The following CCDC39 variants were observed in gnomAD, a reference collection of about 807,000 sequenced individuals.
The protein encoded by CCDC39 is coiled-coil domain 39 molecular ruler complex subunit.
Under a neutral mutation model 121.0 loss-of-function variants are expected in CCDC39, and 113 were observed. The observed-to-expected ratio is 0.93, with a 90% CI of 0.80 to 1.09. The LOEUF is 1.09. Ranked by LOEUF, CCDC39 falls within the 50% of genes least tolerant of loss-of-function variation. CCDC39 has a pLI of 0.00. For missense variants in CCDC39, 1,063 were observed against 1,074.7 expected (o/e 0.99, Z 0.15); for synonymous variants, 349 against 352.2 (o/e 0.99, Z 0.10).
At chr3:180,641,960 T>C in intron 13 of CCDC39, 33 bp downstream of exon 13, 1 of 1,465,658 alleles carries the variant, frequency 6.8e-7, no homozygotes, top group East Asian at 2.3e-5. Context: ...CCTGTTTTTT[T>C]AATTCCTCAG....
At chr3:180,625,460 C>A (rs1296857600) in intron 14 of CCDC39, among the ~76,000 whole-genome samples, 1 of 150,980 alleles carries the variant, frequency 6.6e-6, no homozygotes, top group African/African-American at 2.4e-5. Flanking sequence ...AATTGAGCTT[C>A]TATCAATATT....
chr3:180,650,626 G>A (rs1425402116), intron 9 of CCDC39, among the ~76,000 whole-genome samples: 1 of 152,106 alleles, frequency 6.6e-6, no homozygotes, highest in Non-Finnish European at 1.5e-5. Context: ...GGAAGCGGAG[G>A]AGGGTAGATC....
At chr3:180,664,908 A>T (rs905405898) in intron 1 of CCDC39, among the ~76,000 whole-genome samples, 1 of 150,428 alleles carries the variant, frequency 6.6e-6, no homozygotes, top group Admixed American at 6.6e-5. Flanking sequence ...GTGTTTCACC[A>T]TGTTGGCCAG....
chr3:180,660,530 G>A (rs1400559637), intron 4 of CCDC39, 40 bp downstream of exon 4: 2 of 1,508,306 alleles, frequency 1.3e-6, no homozygotes, highest in Admixed American at 2.0e-5. Flanking sequence ...ATACTACAGA[G>A]TTAGAGAAAA....
intron 14 of CCDC39, 86 bp downstream of exon 14, chr3:180,631,383 T>C (rs1717690551): frequency 7.8e-7 from 1 of 1,286,026 alleles, no homozygotes; most frequent in African/African-American, 1.5e-5. Flanking sequence ...ATATTGTTGT[T>C]TTTTTATTTA....
At chr3:180,645,800 A>G (rs901208544) in intron 11 of CCDC39, among the ~76,000 whole-genome samples, 1 of 152,050 alleles carries the variant, frequency 6.6e-6, no homozygotes, top group Non-Finnish European at 1.5e-5. Context: ...CTATTAATTT[A>G]TGTATCTCTC....
intron 16 of CCDC39, chr3:180,617,949 A>T (rs574830771): frequency 4.6e-5 from 7 of 153,358 alleles, no homozygotes; most frequent in African/African-American, 1.7e-4. Flanking sequence ...CGCAAGCTCC[A>T]TTTATGGTAA....
chr3:180,628,842 A>G (rs1717626173), intron 14 of CCDC39, among the ~76,000 whole-genome samples: 1 of 152,212 alleles, frequency 6.6e-6, no homozygotes. Flanking sequence ...TTGTAATCAA[A>G]TTCCTATTAC....
intron 14 of CCDC39, among the ~76,000 whole-genome samples, chr3:180,628,250 G>A (rs1222737940): frequency 1.3e-5 from 2 of 151,962 alleles, no homozygotes; most frequent in African/African-American, 4.8e-5. Flanking sequence ...TCACTCTGTC[G>A]CCCAGGCTAG....
chr3:180,662,978 T>C (rs1193126972), intron 2 of CCDC39, among the ~76,000 whole-genome samples: 1 of 152,218 alleles, frequency 6.6e-6, no homozygotes, highest in Non-Finnish European at 1.5e-5. Context: ...CCTGGTTTGC[T>C]GGGCATCATT....
chr3:180,616,488 AAATATTT>A (rs1344211228), intron 18 of CCDC39, 21 bp downstream of exon 18: 1 of 1,509,618 alleles, frequency 6.6e-7, no homozygotes, highest in African/African-American at 1.4e-5. Context: ...AGTTTTTAAG[AAATATTT>A]AATAGAAGGT....
intron 2 of CCDC39, among the ~76,000 whole-genome samples, chr3:180,663,502 A>G (rs111824121): frequency 0.039 from 5,876 of 151,946 alleles, 393 homozygotes; most frequent in African/African-American, 0.14. Context: ...GTGAAATCCC[A>G]TCTTTACCAA....
At chr3:180,641,871 T>A (rs770827103) in intron 13 of CCDC39, 122 bp downstream of exon 13, 8 of 594,032 alleles carry the variant, frequency 1.3e-5, no homozygotes, top group Non-Finnish European at 2.3e-5. Flanking sequence ...GTCTTTCTTA[T>A]ATGAAAAGCC....
intron 19 of CCDC39, 113 bp downstream of exon 19, chr3:180,616,168 C>T (rs1394925734): frequency 1.2e-6 from 1 of 810,168 alleles, no homozygotes; most frequent in East Asian, 2.6e-5. Flanking sequence ...GAAAAGAACA[C>T]TGGCAGTGAG....
intron 2 of CCDC39, among the ~76,000 whole-genome samples, chr3:180,663,444 G>T (rs74929734): frequency 6.6e-6 from 1 of 151,830 alleles, no homozygotes; most frequent in Non-Finnish European, 1.5e-5. Flanking sequence ...AGGCTGAGGC[G>T]GGAGGATCAC....
intron 1 of CCDC39, among the ~76,000 whole-genome samples, chr3:180,670,639 C>CTCTT (rs1553807073): frequency 8.3e-6 from 1 of 120,438 alleles, no homozygotes; most frequent in African/African-American, 3.0e-5. Context: ...TTTTTTTTCT[C>CTCTT]TTTTTTTTTT....
intron 14 of CCDC39, among the ~76,000 whole-genome samples, chr3:180,630,976 G>A (rs190004763): frequency 5.9e-5 from 9 of 152,234 alleles, no homozygotes; most frequent in Admixed American, 2.6e-4. Flanking sequence ...GCATAAGAGT[G>A]GGTGGCTATA....
chr3:180,623,750 TATC>T (rs1717488844), intron 14 of CCDC39, among the ~76,000 whole-genome samples: 1 of 152,152 alleles, frequency 6.6e-6, no homozygotes, highest in Non-Finnish European at 1.5e-5. Flanking sequence ...AATTTCCATA[TATC>T]TGTAAAGTGC....
intron 6 of CCDC39, among the ~76,000 whole-genome samples, chr3:180,655,538 GAAGAAAAAAAAA>G (rs959163122): frequency 4.7e-5 from 7 of 147,404 alleles, no homozygotes; most frequent in Non-Finnish European, 7.5e-5. Context: ...CCAGGATAGG[GAAGAAAAAAAAA>G]AAGAAAAAGA....
Sources: gnomAD v4.1 joint callset for allele counts (sites outside exome capture counted in the v4.1 genomes callset) on GRCh38, gnomAD v4.1.1 for gene constraint, MANE v1.5 for transcripts, NCBI Gene and HGNC (gene_info 2026-07-23, HGNC 2026-07-21) for gene names.